The following JAKMIP3 variants were observed in gnomAD, a reference collection of about 807,000 sequenced individuals.
JAKMIP3 encodes the protein janus kinase and microtubule-interacting protein 3.
JAKMIP3 carries 58 observed loss-of-function variants against 118.5 expected under a neutral mutation model. That is an observed-to-expected ratio of 0.49 (90% CI 0.40 to 0.61). The LOEUF is 0.61. Among genes scored for constraint, JAKMIP3 ranks in the 20% least tolerant of loss-of-function variants. The pLI, the probability that JAKMIP3 is intolerant of heterozygous loss-of-function variation, is 0.00. For missense variants in JAKMIP3, 950 were observed against 1,109.0 expected (o/e 0.86, Z 2.04); for synonymous variants, 486 against 451.2 (o/e 1.08, Z -0.98).
At position 132,163,202 on chromosome 10, in the gene JAKMIP3, G is replaced by T. The variant is rs12776458; in HGVS notation, c.2221-7G>T. The T allele has an allele frequency of 0.5, 780,935 of 1,550,496 alleles. 204,831 individuals carry two copies. The highest frequency in any genetic ancestry group is 0.61 in the Admixed American group (31,014 of 51,190). ...CAAGGACTAAGGCGTCTCCCCTTCCGCCCCAGCACATCCTGGAGCTGGAAG... is the reference window on the plus strand; with the variant it reads ...CAAGGACTAAGGCGTCTCCCCTTCCTCCCCAGCACATCCTGGAGCTGGAAG... On this transcript the variant is annotated splice_region_variant and splice_polypyrimidine_tract_variant and intron_variant, in intron 19 of 23. Transcript: ENST00000684848.
chr10:132,138,837 G>A (rs938203207), intron 9 of JAKMIP3, among the ~76,000 whole-genome samples: 4 of 152,172 alleles, frequency 2.6e-5, no homozygotes, highest in Non-Finnish European at 4.4e-5. Context: ...CCCCACGCTC[G>A]CCTGTCCTGC....
intron 9 of JAKMIP3, among the ~76,000 whole-genome samples, chr10:132,139,240 C>CTGTGTGTGTGGGAG: frequency 1.2e-5 from 1 of 84,816 alleles, no homozygotes; most frequent in Non-Finnish European, 2.7e-5. Flanking sequence ...GTATATGCAT[C>CTGTGTGTGTGGGAG]TGTGTGTGTA....
At chr10:132,051,149 C>T (rs375543062) in intron 1 of JAKMIP3, among the ~76,000 whole-genome samples, 142 of 123,508 alleles carry the variant, frequency 1.1e-3, no homozygotes, top group South Asian at 3.7e-3. Flanking sequence ...TTTCCTGGCA[C>T]GGTTGGTCTT....
intron 23 of JAKMIP3, among the ~76,000 whole-genome samples, chr10:132,180,190 C>T (rs1394114216): frequency 1.3e-5 from 2 of 152,154 alleles, no homozygotes; most frequent in Non-Finnish European, 1.5e-5. Context: ...CCAATGGCCA[C>T]CGTTGCAAGC....
At chr10:132,054,547 G>A (rs749572818) in intron 1 of JAKMIP3, among the ~76,000 whole-genome samples, 9 of 152,262 alleles carry the variant, frequency 5.9e-5, no homozygotes, top group Non-Finnish European at 7.4e-5. Flanking sequence ...AGTCTGGGCC[G>A]GAACCACCCC....
intron 3 of JAKMIP3, among the ~76,000 whole-genome samples, chr10:132,120,931 G>A (rs895505279): frequency 5.3e-5 from 8 of 152,236 alleles, no homozygotes; most frequent in East Asian, 1.9e-4. Flanking sequence ...GTGTGTGGCC[G>A]CTCGAGCTGC....
chr10:132,143,149 G>GTT (rs1564955893), intron 11 of JAKMIP3, among the ~76,000 whole-genome samples: 3 of 151,048 alleles, frequency 2.0e-5, no homozygotes, highest in Admixed American at 6.6e-5. Context: ...AGTCGGGGTG[G>GTT]GGGGGGCTGG....
intron 1 of JAKMIP3, among the ~76,000 whole-genome samples, chr10:132,047,543 A>C (rs2037952987): frequency 6.6e-6 from 1 of 152,234 alleles, no homozygotes; most frequent in African/African-American, 2.4e-5. Context: ...CAGGACACTA[A>C]CATTGGTACA....
intron 2 of JAKMIP3, among the ~76,000 whole-genome samples, chr10:132,116,035 A>C (rs1233732068): frequency 6.6e-6 from 1 of 152,240 alleles, no homozygotes; most frequent in African/African-American, 2.4e-5. Context: ...GTCTGAATAT[A>C]GGACCCCCAC....
At chr10:132,175,911 G>T (rs1229487548) in intron 23 of JAKMIP3, among the ~76,000 whole-genome samples, 1 of 152,226 alleles carries the variant, frequency 6.6e-6, no homozygotes, top group African/African-American at 2.4e-5. Flanking sequence ...TAAAGAAAGA[G>T]AAATAAAAGA....
chr10:132,145,170 G>A lies in JAKMIP3; in HGVS notation c.1666G>A (p.Ala556Thr), dbSNP rs1341997902. ...GGCGCGGATAGAGGACCTGGAGAAG[G>A]CCCTGGCGGAGCAGGGGCAGGTGAG... ...AQARIEDLEK[A>T]LAEQGQDMKW... Residue 556 changes from alanine to threonine, a missense_variant, in exon 12 of 24, where the codon GCC becomes ACC. Transcript: ENST00000684848. 6.2e-7 allele frequency: 1 copy of A among 1,611,166 alleles called. No individual in the cohort carries two copies. The highest frequency in any genetic ancestry group is 8.5e-7 in the Non-Finnish European group (1 of 1,179,264).
chr10:132,150,478 A>C (rs1305574607), intron 16 of JAKMIP3, among the ~76,000 whole-genome samples: 2 of 152,214 alleles, frequency 1.3e-5, no homozygotes, highest in South Asian at 4.1e-4. Flanking sequence ...AATGTTAATT[A>C]CTGAGTGGGC....
At chr10:132,103,092 C>T (rs544484958) in intron 1 of JAKMIP3, among the ~76,000 whole-genome samples, 2 of 152,158 alleles carry the variant, frequency 1.3e-5, no homozygotes, top group African/African-American at 4.8e-5. Flanking sequence ...TGTGATCTGC[C>T]TGCTTGTCCC....
At chr10:132,070,819 G>A (rs1045094484) in intron 1 of JAKMIP3, among the ~76,000 whole-genome samples, 24 of 152,356 alleles carry the variant, frequency 1.6e-4, no homozygotes, top group African/African-American at 5.5e-4. Flanking sequence ...CAGGAAGAGA[G>A]GAGATGGTTT....
intron 1 of JAKMIP3, among the ~76,000 whole-genome samples, chr10:132,093,057 G>A (rs2043303050): frequency 1.3e-5 from 2 of 152,244 alleles, no homozygotes; most frequent in Admixed American, 1.3e-4. Context: ...TTGCCTGGGT[G>A]TCAGCAGTGG....
In JAKMIP3 at chr10:132,145,139, G is replaced by T; in HGVS notation, c.1635G>T (p.Arg545Ser). 1.2e-6 allele frequency: 2 copies of T among 1,612,592 alleles called. No homozygotes were observed. The highest frequency in any genetic ancestry group is 1.7e-6 in the Non-Finnish European group (2 of 1,179,792). The stretch of plus-strand genomic sequence containing the variant: ...AGCAGCTACAAGCCGAAGTGCAGAG[G>T]GCACAGGCGCGGATAGAGGACCTGG... ...TREQLQAEVQ[R>S]AQARIEDLEK... Residue 545 changes from arginine to serine, a missense_variant, in exon 12 of 24, where the codon AGG (arginine) becomes AGT (serine). Transcript: ENST00000684848.
At chr10:132,064,186 G>C (rs2038521440), upstream of JAKMIP3, among the ~76,000 whole-genome samples, 1 of 152,158 alleles carries the variant, frequency 6.6e-6, no homozygotes. The surrounding 1 kb of genome is among the most constrained non-coding windows in gnomAD (Gnocchi z 4.4). Context: ...TTATATTATG[G>C]ACAACACTGC....
intron 19 of JAKMIP3, among the ~76,000 whole-genome samples, chr10:132,158,901 G>T (rs11146218): frequency 9.3e-5 from 1 of 10,776 alleles, no homozygotes; most frequent in African/African-American, 2.5e-4. Context: ...GCATCTTCCT[G>T]TGTGATGCTG....
intron 1 of JAKMIP3, among the ~76,000 whole-genome samples, chr10:132,095,774 T>C (rs997471141): frequency 6.6e-6 from 1 of 152,228 alleles, no homozygotes; most frequent in Non-Finnish European, 1.5e-5. Context: ...GTGTTTACTA[T>C]TCCTGATAGG....
Sources: gnomAD v4.1 joint callset for allele counts (sites outside exome capture counted in the v4.1 genomes callset) on GRCh38, gnomAD v4.1.1 for gene constraint, Gnocchi (gnomAD v3.1) non-coding constraint, MANE v1.5 for transcripts, NCBI Gene and HGNC (gene_info 2026-07-23, HGNC 2026-07-21) for gene names.